Variants in NAV1 observed in about 807,000 individuals in gnomAD.
NAV1 encodes neuron navigator 1, also known as pore membrane and/or filament interacting like protein 3.
NAV1 carries 18 observed loss-of-function variants against 175.2 expected under a neutral mutation model. That is an observed-to-expected ratio of 0.10 (90% confidence interval 0.07 to 0.15). NAV1 has a LOEUF of 0.15. Among genes scored for constraint, NAV1 ranks in the 10% least tolerant of loss-of-function variants. The pLI is 1.00. For synonymous variants in NAV1, 897 were observed against 978.7 expected, an observed-to-expected ratio of 0.92 and a Z score of 1.56; for missense variants, 1,731 against 2,436.6, an observed-to-expected ratio of 0.71 and a Z score of 6.10.
chr1:201,584,046 T>C (rs866005854), intron 1 of NAV1, among the ~76,000 whole-genome samples: 4 of 152,350 alleles, frequency 2.6e-5, no homozygotes, highest in Middle Eastern at 3.4e-3. Context: ...CCTGTGATGA[T>C]TTTTCTGTAC....
intron 1 of NAV1, among the ~76,000 whole-genome samples, chr1:201,587,031 C>T (rs534862173): frequency 1.2e-4 from 19 of 152,042 alleles, no homozygotes; most frequent in Admixed American, 2.0e-4. Flanking sequence ...TAGCAAGACC[C>T]GCCCCCTCAT....
intron 3 of NAV1, among the ~76,000 whole-genome samples, chr1:201,731,444 T>C (rs1319262574): frequency 2.0e-5 from 3 of 151,944 alleles, no homozygotes; most frequent in African/African-American, 4.8e-5. Context: ...AGCCTGAGGG[T>C]TGGGGAGTGA....
At chr1:201,603,657 C>A (rs1210495238) in intron 2 of NAV1, among the ~76,000 whole-genome samples, 1 of 152,178 alleles carries the variant, frequency 6.6e-6, no homozygotes, top group Non-Finnish European at 1.5e-5. Context: ...AGTAGCCCCA[C>A]TCCAGACAGT....
intron 1 of NAV1, among the ~76,000 whole-genome samples, chr1:201,577,461 C>T (rs1666720826): frequency 6.7e-6 from 1 of 148,812 alleles, no homozygotes; most frequent in African/African-American, 2.5e-5. Context: ...GGCATAAGGC[C>T]TGAGACTTAG....
intron 1 of NAV1, among the ~76,000 whole-genome samples, chr1:201,554,336 CG>C (rs1665951049): frequency 6.6e-6 from 1 of 152,142 alleles, no homozygotes; most frequent in Non-Finnish European, 1.5e-5. Context: ...ACCAGCAGGA[CG>C]GCCCTAATGG....
chr1:201,605,824 T>G (rs1352183721), intron 2 of NAV1, among the ~76,000 whole-genome samples: 1 of 152,044 alleles, frequency 6.6e-6, no homozygotes. Flanking sequence ...AAACAAGATT[T>G]GGGGCAACAC....
At chr1:201,639,658 C>T (rs1248468062) in intron 2 of NAV1, among the ~76,000 whole-genome samples, 1 of 152,158 alleles carries the variant, frequency 6.6e-6, no homozygotes, top group Non-Finnish European at 1.5e-5. Flanking sequence ...GGATTCCAGC[C>T]CCTATCCTCC....
intron 3 of NAV1, among the ~76,000 whole-genome samples, chr1:201,761,417 C>T (rs536645548): frequency 9.8e-4 from 149 of 152,260 alleles, no homozygotes; most frequent in African/African-American, 3.5e-3. Context: ...GCAGTCTGGC[C>T]TGGGTCTTTT....
intron 3 of NAV1, among the ~76,000 whole-genome samples, chr1:201,765,648 G>A (rs953830094): frequency 3.9e-5 from 6 of 152,040 alleles, no homozygotes; most frequent in Admixed American, 3.3e-4. Flanking sequence ...GCCCACTTTA[G>A]CCTCCCAAAG....
At chr1:201,633,938 C>T (rs567945364) in intron 2 of NAV1, among the ~76,000 whole-genome samples, 22 of 152,300 alleles carry the variant, frequency 1.4e-4, no homozygotes, top group Admixed American at 1.4e-3. Flanking sequence ...TGGTAGGCTT[C>T]CAGGAACTGG....
chr1:201,641,936 T>C (rs1176974387), intron 2 of NAV1, among the ~76,000 whole-genome samples: 1 of 150,906 alleles, frequency 6.6e-6, no homozygotes, highest in Non-Finnish European at 1.5e-5. Flanking sequence ...CCCTCCCTCC[T>C]TTCTTTCTCT....
At position 201,808,608 on chromosome 1, in the gene NAV1, C is replaced by T; in HGVS notation, c.4036C>T (p.Gln1346Ter). ...GCTTCGGGAGACCATGCACAACATG[C>T]AGGTCAGTGTCTGGGCGGACAGCTG... The change falls in exon 19 of 30, where the codon CAG (glutamine) becomes TAG (stop). Residue 1346 changes from glutamine to a stop codon, truncating the protein, a stop_gained and splice_region_variant. Transcript: ENST00000367296. LOFTEE classifies it high-confidence loss of function. This position sits in a 1 kb window ranked among gnomAD's most constrained non-coding sequence, Gnocchi z 5.5. 6.2e-7 allele frequency: 1 copy of T among 1,614,262 alleles called. No homozygotes were observed. Among genetic ancestry groups the T allele is most frequent in the Non-Finnish European group, 8.5e-7 (1 of 1,180,052 alleles).
rs773995726 is a variant in NAV1, at chr1:201,751,536, C to T, written c.1227-28885C>T. Among the ~76,000 whole-genome samples the T allele has an allele frequency of 2.6e-5, 4 of 152,250 alleles. No homozygotes were observed. The East Asian group carries it at 7.7e-4, about 29-fold the overall frequency. On this transcript the variant is annotated intron_variant, in intron 3 of 29. Transcript: ENST00000367296. ...TGGAAAGTGCATCAGTAAGGATTTG[C>T]TACAGAAATATGGCAATCCAATCTC... is the stretch of plus-strand genomic sequence containing the variant.
intron 1 of NAV1, among the ~76,000 whole-genome samples, chr1:201,692,692 A>C (rs935726639): frequency 1.3e-5 from 2 of 152,242 alleles, no homozygotes; most frequent in Non-Finnish European, 2.9e-5. Flanking sequence ...GGAACACGGC[A>C]TGGAACAGGG....
chr1:201,560,752 G>C (rs1666172988), intron 1 of NAV1, among the ~76,000 whole-genome samples: 1 of 152,182 alleles, frequency 6.6e-6, no homozygotes, highest in Non-Finnish European at 1.5e-5. Flanking sequence ...TTTATCTCCT[G>C]TCTCTGCAGA....
At chr1:201,542,890 C>T (rs541088627) in intron 1 of NAV1, among the ~76,000 whole-genome samples, 61 of 152,346 alleles carry the variant, frequency 4.0e-4, no homozygotes, top group Non-Finnish European at 7.5e-4. Context: ...TGAAAGCTTT[C>T]ATAAATGGAA....
chr1:201,733,007 G>T (rs1306848088), intron 3 of NAV1, among the ~76,000 whole-genome samples: 1 of 151,958 alleles, frequency 6.6e-6, no homozygotes, highest in Non-Finnish European at 1.5e-5. Flanking sequence ...GGAGGCGGAG[G>T]TTGCAGTGAG....
In NAV1 at chr1:201,806,529, T is replaced by TAC. The variant is rs149753283; in HGVS notation, c.3649-1410_3649-1409dup. On this transcript the variant is annotated intron_variant, in intron 17 of 29. Transcript: ENST00000367296. ...CAGGCAGCTTGTCATAGGATCTCTT[T>TAC]ACACACACACACACAGCATCCCATG... Among the ~76,000 whole-genome samples the TAC allele has an allele frequency of 9.2e-4, 140 of 151,726 alleles. 1 individual carries two copies. The highest frequency in any genetic ancestry group is 1.7e-3 in the South Asian group (8 of 4,798).
intron 1 of NAV1, among the ~76,000 whole-genome samples, chr1:201,706,585 C>T (rs1488792152): frequency 6.6e-6 from 1 of 152,164 alleles, no homozygotes; most frequent in Non-Finnish European, 1.5e-5. Flanking sequence ...CCGCCGTGTA[C>T]AAAATGAGAT....
Sources: gnomAD v4.1 joint callset for allele counts (sites outside exome capture counted in the v4.1 genomes callset) on GRCh38, gnomAD v4.1.1 for gene constraint, Gnocchi (gnomAD v3.1) non-coding constraint, MANE v1.5 for transcripts, NCBI Gene and HGNC (gene_info 2026-07-23, HGNC 2026-07-21) for gene names.